OR52N5: variants seen among roughly 807,000 people sequenced by gnomAD.
OR52N5 encodes the protein olfactory receptor family 52 subfamily N member 5.
Under a neutral mutation model 14.1 loss-of-function variants are expected in OR52N5, and 10 were observed. That is an observed-to-expected ratio of 0.71 (90% CI 0.44 to 1.20). The LOEUF (loss-of-function observed/expected upper bound fraction) is 1.20. OR52N5 is among the 50% of genes most tolerant of loss of function. OR52N5 has a pLI of 0.00. For synonymous variants in OR52N5, 116 were observed against 143.0 expected, an observed-to-expected ratio of 0.81 and a Z score of 1.35; for missense variants, 361 against 403.2, an observed-to-expected ratio of 0.90 and a Z score of 0.90.
In OR52N5 at chr11:5,782,336, A is replaced by T. The variant is rs997565916; in HGVS notation, c.-247-580T>A. Among the ~76,000 whole-genome samples the T allele has an allele frequency of 3.6e-5, 5 of 140,122 alleles. 1 individual carries two copies. The highest frequency in any genetic ancestry group is 5.2e-5 in the African/African-American group (2 of 38,304). The allele number at this position is 140,122 out of a possible 152,430, so 91.9% of individuals were successfully genotyped here. A position where few individuals can be genotyped will look rare whatever the true frequency, so the allele number is the denominator to read the frequency against. Reference sequence around the variant, plus strand: ...CCTTGCACATAAATAGCAGATTTGCATATCAACTCCAATATTTATCCACAC... The same window carrying T: ...CCTTGCACATAAATAGCAGATTTGCTTATCAACTCCAATATTTATCCACAC... On this transcript the variant is annotated intron_variant, in intron 1 of 2. Coordinates refer to ENST00000641181, the MANE Select transcript of OR52N5 (RefSeq NM_001385662.1).
chr11:5,778,321 G>A lies in OR52N5; in HGVS notation c.314C>T (p.Ala105Val). 6.6e-7 allele frequency: 1 copy of A among 1,520,476 alleles called. No homozygotes were observed. The highest frequency in any genetic ancestry group is 1.2e-5 in the South Asian group (1 of 85,812). The allele number at this position is 1,520,476 out of a possible 1,614,324, so 94.2% of individuals were successfully genotyped here. A position where few individuals can be genotyped will look rare whatever the true frequency, so the allele number is the denominator to read the frequency against. Residue 105 changes from alanine (A) to valine (V), a missense_variant, in exon 3 of 3, where the codon GCT (alanine) becomes GTT (valine). Coordinates refer to ENST00000641181, the MANE Select transcript of OR52N5 (RefSeq NM_001385662.1). ...WFSLKEINFN[A>V]CLAQMFFVHG... is the part of the protein sequence containing the mutation. The stretch of plus-strand genomic sequence containing the variant: ...AACAAAGAACATCTGGGCCAAGCAA[G>A]CATTGAAGTTAATTTCTTTGAGACT...
rs1003058495 is a variant in OR52N5 at position 5,783,258 on chromosome 11, G to C, written c.-248+37C>G. The C allele has an allele frequency of 1.6e-4, 22 of 140,048 alleles. 4 individuals carry two copies. Among genetic ancestry groups the C allele is most frequent in the Admixed American group, 1.4e-3 (19 of 13,620 alleles). 8.7% of individuals were successfully genotyped at this position (140,048 alleles called of 1,614,324 possible). On this transcript the variant is annotated intron_variant, in intron 1 of 2. Transcript: ENST00000641181. ...ACTGGCTAGAACAAGACAAGGCTTT[G>C]TCACACAATAATGTCTGGAAGGCAG...
rs1303640586 is a variant in OR52N5 at position 5,779,854 on chromosome 11, C to A, written c.-23-1197G>T. Among the ~76,000 whole-genome samples, 2 of 139,064 alleles carry A rather than the reference C, an allele frequency of 1.4e-5. 1 individual carries two copies. Among genetic ancestry groups the A allele is most frequent in the Non-Finnish European group, 3.2e-5 (2 of 62,938 alleles). The allele number at this position is 139,064 out of a possible 152,430, so 91.2% of individuals were successfully genotyped here. On this transcript the variant is annotated intron_variant, in intron 2 of 2. Coordinates refer to ENST00000641181, the MANE Select transcript of OR52N5 (RefSeq NM_001385662.1). ...ATGATCTTCCCTGGTATTTCTCCACCTCATCTTGGATATAATTCATTTACA... is the reference window on the plus strand; with the variant it reads ...ATGATCTTCCCTGGTATTTCTCCACATCATCTTGGATATAATTCATTTACA...
At chr11:5,781,441 C>G (rs1014993607) in intron 2 of OR52N5, 92 bp downstream of exon 2, 1 of 140,072 alleles carries the variant, frequency 7.1e-6, no homozygotes, top group African/African-American at 2.6e-5. Flanking sequence ...TGAGCCTACC[C>G]GACTTCTTTA....
rs142876161 is a variant in OR52N5 at position 5,776,444 on chromosome 11, A to G, written c.*1216T>C. 3.4e-4 allele frequency: 48 copies of G among 140,272 alleles called. 7 individuals carry two copies. The East Asian group carries it at 8.8e-3, about 26-fold the overall frequency. 8.7% of individuals were successfully genotyped at this position (140,272 alleles called of 1,614,324 possible). Reference sequence around the variant, plus strand: ...AAGACTTGTCTGTCCATTCTAATATATACATAAAAATATTTCTCAAAATTA... The same window carrying G: ...AAGACTTGTCTGTCCATTCTAATATGTACATAAAAATATTTCTCAAAATTA... On this transcript the variant is annotated 3_prime_UTR_variant, in exon 3 of 3. Coordinates refer to ENST00000641181, the MANE Select transcript of OR52N5 (RefSeq NM_001385662.1).
In OR52N5 at chr11:5,782,348, A is replaced by G. The variant is rs1433835440; in HGVS notation, c.-247-592T>C. On this transcript the variant is annotated intron_variant, in intron 1 of 2. Transcript: ENST00000641181. ...ATAGCAGATTTGCATATCAACTCCAATATTTATCCACACGACTAGACAAAA... is the reference window on the plus strand; with the variant it reads ...ATAGCAGATTTGCATATCAACTCCAGTATTTATCCACACGACTAGACAAAA... 2.1e-5 allele frequency among the ~76,000 whole-genome samples: 3 copies of G among 139,880 alleles called. 1 individual carries two copies. 91.8% of individuals were successfully genotyped at this position (139,880 alleles called of 152,430 possible). A position where few individuals can be genotyped will look rare whatever the true frequency, so the allele number is the denominator to read the frequency against.
Position 5,780,046 on chromosome 11 carries a change from C to T in OR52N5, c.-23-1389G>A, listed in dbSNP as rs191067689. 3.6e-5 allele frequency among the ~76,000 whole-genome samples: 5 copies of T among 140,210 alleles called. No homozygotes were observed. The East Asian group carries it at 1.0e-3, about 29-fold the overall frequency. The allele number at this position is 140,210 out of a possible 152,430, so 92.0% of individuals were successfully genotyped here. ...ACCACCTAGCCACATCCATTTATTTCTTGGCATTGCCTCTTTAGTATTTCA... is the reference window on the plus strand; with the variant it reads ...ACCACCTAGCCACATCCATTTATTTTTTGGCATTGCCTCTTTAGTATTTCA... On this transcript the variant is annotated intron_variant, in intron 2 of 2. Coordinates refer to ENST00000641181, the MANE Select transcript of OR52N5 (RefSeq NM_001385662.1).
chr11:5,780,610 A>C (rs1346693974), intron 2 of OR52N5, among the ~76,000 whole-genome samples: 1 of 139,676 alleles, frequency 7.2e-6, no homozygotes, highest in African/African-American at 2.6e-5. Flanking sequence ...ACAGACATAC[A>C]AAGGTTCATA....
rs748159945 is a variant in OR52N5, at chr11:5,777,997, A to C, written c.638T>G (p.Leu213Arg). ...ACAAATGTCAAACACTCCAATCAGG[A>C]GAGCAACCATTAGACCATAGATTAC... ...VNVIYGLMVALLIGVFDICCI... is the reference protein window; with the variant it reads ...VNVIYGLMVARLIGVFDICCI... Residue 213 changes from leucine to arginine, a missense_variant, in exon 3 of 3, where the codon CTC (leucine) becomes CGC (arginine). Transcript: ENST00000641181. 7 of 1,520,306 alleles carry C rather than the reference A, an allele frequency of 4.6e-6. 1 individual carries two copies. Among genetic ancestry groups the C allele is most frequent in the Non-Finnish European group, 6.3e-6 (7 of 1,113,390 alleles). 94.2% of individuals were successfully genotyped at this position (1,520,306 alleles called of 1,614,324 possible).
At chr11:5,778,687 C>A (rs2134225704) in intron 2 of OR52N5, 30 bp from the exon 3 acceptor site, 3 of 1,206,872 alleles carry the variant, frequency 2.5e-6, no homozygotes, top group East Asian at 4.9e-5. Flanking sequence ...AAACAAATTT[C>A]ATTCAAATTT....
At position 5,776,908 on chromosome 11, in the gene OR52N5, T is replaced by C. The variant is rs1854498030; in HGVS notation, c.*752A>G. Reference sequence around the variant, plus strand: ...TTTTGGATATATATTGTTGTTCTCATTTATATGTGGGAGCTAAAAAGGTGG... The same window carrying C: ...TTTTGGATATATATTGTTGTTCTCACTTATATGTGGGAGCTAAAAAGGTGG... On this transcript the variant is annotated 3_prime_UTR_variant, in exon 3 of 3. Coordinates refer to ENST00000641181, the MANE Select transcript of OR52N5 (RefSeq NM_001385662.1). 7.2e-6 allele frequency: 1 copy of C among 139,580 alleles called. No individual in the cohort carries two copies. The highest frequency in any genetic ancestry group is 1.6e-5 in the Non-Finnish European group (1 of 63,258). 8.6% of individuals were successfully genotyped at this position (139,580 alleles called of 1,614,324 possible). A position where few individuals can be genotyped will look rare whatever the true frequency, so the allele number is the denominator to read the frequency against.
At chr11:5,783,201 A>C (rs1326263736) in intron 1 of OR52N5, 94 bp downstream of exon 1, 1 of 139,338 alleles carries the variant, frequency 7.2e-6, no homozygotes, top group African/African-American at 2.6e-5. Context: ...ATTTTCTGCA[A>C]GTCAGTGTCT....
chr11:5,778,782 A>T, intron 2 of OR52N5, 125 bp from the exon 3 acceptor site: 2 of 547,550 alleles, frequency 3.7e-6, no homozygotes, highest in Non-Finnish European at 6.3e-6. Context: ...ATGAAAATAT[A>T]CAATGTATTG....
rs1243771746 is a variant in OR52N5, at chr11:5,777,129, G to T, written c.*531C>A. 2 of 139,338 alleles carry T rather than the reference G, an allele frequency of 1.4e-5. 1 individual carries two copies. The highest frequency in any genetic ancestry group is 3.2e-5 in the Non-Finnish European group (2 of 63,296). The allele number at this position is 139,338 out of a possible 1,614,324, so 8.6% of individuals were successfully genotyped here. ...TTTCAACATGGCTCAAAGAGAATTT[G>T]AATGTTTCCAATAAAAAGAAAAGAT... On this transcript the variant is annotated 3_prime_UTR_variant, in exon 3 of 3. Transcript: ENST00000641181.
rs200873907 is a variant in OR52N5 at position 5,783,013 on chromosome 11, AAAG to A, written c.-248+279_-248+281del. Among the ~76,000 whole-genome samples the A allele has an allele frequency of 3.4e-3, 476 of 139,264 alleles. 70 individuals carry two copies. In the East Asian group the frequency reaches 0.066, roughly 19 times the overall value. The allele number at this position is 139,264 out of a possible 152,430, so 91.4% of individuals were successfully genotyped here. On this transcript the variant is annotated intron_variant, in intron 1 of 2. Transcript: ENST00000641181. ...CTGGCATTACAGCACATATTAAAAA[AAAG>A]AAGAAGAATAAATATAACGAGAGGA...
intron 1 of OR52N5, among the ~76,000 whole-genome samples, chr11:5,783,016 G>A (rs1178849242): frequency 1.5e-5 from 2 of 137,770 alleles, no homozygotes; most frequent in African/African-American, 5.3e-5. Context: ...TTAAAAAAAA[G>A]AAGAAGAATA....
Position 5,777,495 on chromosome 11 carries a change from A to T in OR52N5, c.*165T>A. On this transcript the variant is annotated 3_prime_UTR_variant, in exon 3 of 3. Coordinates refer to ENST00000641181, the MANE Select transcript of OR52N5 (RefSeq NM_001385662.1). Reference sequence around the variant, plus strand: ...AATTAAGGGAAAGGCACTGAGATATACATCCAGAATGGGCTATAAATTTCC... The same window carrying T: ...AATTAAGGGAAAGGCACTGAGATATTCATCCAGAATGGGCTATAAATTTCC... The T allele has an allele frequency of 2.1e-6, 1 of 475,368 alleles. No homozygotes were observed. The highest frequency in any genetic ancestry group is 3.5e-6 in the Non-Finnish European group (1 of 289,414). The allele number at this position is 475,368 out of a possible 1,614,324, so 29.4% of individuals were successfully genotyped here.
At position 5,777,716 on chromosome 11, in the gene OR52N5, T is replaced by C. The variant is rs1854506500; in HGVS notation, c.919A>G (p.Lys307Glu). ...TTTATGACACTCTTGCGTATCTGTT[T>C]TGTCTTTACTCCATAAACAATAGGG... The part of the protein sequence containing the change: ...LNPIVYGVKT[K>E]QIRKSVIKFF... The change falls in exon 3 of 3, where the codon AAA (lysine) becomes GAA (glutamate). Residue 307 changes from lysine to glutamate, a missense_variant. Coordinates refer to ENST00000641181, the MANE Select transcript of OR52N5 (RefSeq NM_001385662.1). 1 of 1,511,448 alleles carries C rather than the reference T, an allele frequency of 6.6e-7. No homozygotes were observed. Among genetic ancestry groups the C allele is most frequent in the African/African-American group, 1.4e-5 (1 of 69,974 alleles). 93.6% of individuals were successfully genotyped at this position (1,511,448 alleles called of 1,614,324 possible).
chr11:5,778,564 C>T lies in OR52N5; in HGVS notation c.71G>A (p.Gly24Glu). The T allele has an allele frequency of 6.7e-7, 1 of 1,493,764 alleles. No homozygotes were observed. Among genetic ancestry groups the T allele is most frequent in the Non-Finnish European group, 9.2e-7 (1 of 1,091,972 alleles). The allele number at this position is 1,493,764 out of a possible 1,614,324, so 92.5% of individuals were successfully genotyped here. Residue 24 changes from glycine (G) to glutamate (E), a missense_variant, in exon 3 of 3, where the codon GGA (glycine) becomes GAA (glutamate). By Grantham distance (98) the Gly-to-Glu change is moderately conservative. Coordinates refer to ENST00000641181, the MANE Select transcript of OR52N5 (RefSeq NM_001385662.1). ...ATGTACTCTTTCCAGACCAGGTATTCCATTAAGAATAAAAGATGGAGGAGT... is the reference window on the plus strand; with the variant it reads ...ATGTACTCTTTCCAGACCAGGTATTTCATTAAGAATAAAAGATGGAGGAGT... The part of the protein sequence containing the change: ...HVTPPSFILN[G>E]IPGLERVHVW...
Sources: gnomAD v4.1 joint callset for allele counts (sites outside exome capture counted in the v4.1 genomes callset) on GRCh38, gnomAD v4.1.1 for gene constraint, MANE v1.5 for transcripts, NCBI Gene and HGNC (gene_info 2026-07-23, HGNC 2026-07-21) for gene names.